The following KIAA1143 variants were observed in gnomAD, a reference collection of about 807,000 sequenced individuals.
The protein encoded by KIAA1143 is KIAA1143.
KIAA1143 carries 8 observed loss-of-function variants against 17.0 expected under a neutral mutation model. The observed-to-expected ratio is 0.47, with a 90% CI of 0.28 to 0.85. The LOEUF is 0.85. Ranked by LOEUF, KIAA1143 falls within the 40% of genes least tolerant of loss-of-function variation. The probability of loss-of-function intolerance (pLI) is 0.12; values close to 1 mark genes in which losing one functional copy is unlikely to be tolerated. For synonymous variants in KIAA1143, 64 were observed against 67.8 expected, an observed-to-expected ratio of 0.94 and a Z score of 0.27; for missense variants, 162 against 183.3, an observed-to-expected ratio of 0.88 and a Z score of 0.67.
intron 1 of KIAA1143, among the ~76,000 whole-genome samples, chr3:44,759,894 C>CAAAAAGAAAAAAA (rs1705039825): frequency 2.0e-5 from 1 of 51,110 alleles, no homozygotes; most frequent in South Asian, 1.2e-3. Flanking sequence ...GACCCTATCT[C>CAAAAAGAAAAAAA]AAAAAAAAAA....
At chr3:44,756,456 G>C (rs1465734438) in intron 1 of KIAA1143, among the ~76,000 whole-genome samples, 4 of 152,170 alleles carry the variant, frequency 2.6e-5, no homozygotes, top group Non-Finnish European at 4.4e-5. Context: ...CCACCTACTT[G>C]GGTGGCTGAG....
chr3:44,760,424 C>G (rs544055549), intron 1 of KIAA1143, among the ~76,000 whole-genome samples: 1 of 152,296 alleles, frequency 6.6e-6, no homozygotes, highest in African/African-American at 2.4e-5. Context: ...GAGTCTCGCT[C>G]TGTCGCCCAG....
intron 1 of KIAA1143, 96 bp from the exon 2 acceptor site, chr3:44,754,464 T>A (rs749640601): frequency 8.6e-7 from 1 of 1,165,820 alleles, no homozygotes; most frequent in Non-Finnish European, 1.2e-6. Context: ...ATGAGAAGGG[T>A]ATCTTTATTG....
chr3:44,755,850 G>C (rs2125880024), intron 1 of KIAA1143, among the ~76,000 whole-genome samples: 1 of 152,328 alleles, frequency 6.6e-6, no homozygotes, highest in East Asian at 1.9e-4. Flanking sequence ...AATATTTGTT[G>C]ATCTACTCAT....
In KIAA1143 at chr3:44,751,013, T is replaced by C. The variant is rs905531912; in HGVS notation, c.*2328A>G. The C allele has an allele frequency of 2.8e-5, 4 of 144,384 alleles. No homozygotes were observed. The highest frequency in any genetic ancestry group is 2.1e-4 in the Admixed American group (3 of 14,018). 8.9% of individuals were successfully genotyped at this position (144,384 alleles called of 1,614,324 possible). Reference sequence around the variant, plus strand: ...CGTTTTCTTTTGTAATAGGGCACAATTGAAACCGGTTACTTTCTCAGGACT... The same window carrying C: ...CGTTTTCTTTTGTAATAGGGCACAACTGAAACCGGTTACTTTCTCAGGACT... On this transcript the variant is annotated 3_prime_UTR_variant, in exon 3 of 3. Transcript: ENST00000296121.
At chr3:44,758,911 C>T (rs905554167) in intron 1 of KIAA1143, among the ~76,000 whole-genome samples, 1 of 150,656 alleles carries the variant, frequency 6.6e-6, no homozygotes, top group Non-Finnish European at 1.5e-5. Context: ...TACCCAGGCT[C>T]GAGTGCAGTG....
chr3:44,754,125 C>T, intron 2 of KIAA1143, 99 bp downstream of exon 2: 2 of 1,253,936 alleles, frequency 1.6e-6, no homozygotes, highest in Non-Finnish European at 2.2e-6. Context: ...GAACCCGGAA[C>T]TGCCACCTTG....
intron 1 of KIAA1143, among the ~76,000 whole-genome samples, chr3:44,759,027 C>G: frequency 6.6e-6 from 1 of 151,996 alleles, no homozygotes; most frequent in Non-Finnish European, 1.5e-5. Flanking sequence ...CCACACTGGG[C>G]TAAATTTTGT....
rs1704879179 is a variant in KIAA1143 at position 44,750,425 on chromosome 3, A to T, written c.*2916T>A. On this transcript the variant is annotated 3_prime_UTR_variant, in exon 3 of 3. Transcript: ENST00000296121. ...TGTATGAGAGTTCTAAAATTCTGAT[A>T]TGTCTTAATATATGTTGTAATGATT... 2 of 150,792 alleles carry T rather than the reference A, an allele frequency of 1.3e-5. No homozygotes were observed. The highest frequency in any genetic ancestry group is 4.9e-5 in the African/African-American group (2 of 40,940). 9.3% of individuals were successfully genotyped at this position (150,792 alleles called of 1,614,324 possible).
chr3:44,754,330 G>A lies in KIAA1143; in HGVS notation c.147C>T (p.His49=). The A allele has an allele frequency of 6.2e-7, 1 of 1,613,882 alleles. No homozygotes were observed. The highest frequency in any genetic ancestry group is 8.5e-7 in the Non-Finnish European group (1 of 1,179,830). The change falls in exon 2 of 3, where the codon CAC becomes CAT. Residue 49 remains histidine (H), a synonymous_variant. Coordinates refer to ENST00000296121, the MANE Select transcript of KIAA1143 (RefSeq NM_020696.4). ...GAGGCTGTTCATCTTCTTTGTCACT[G>A]TGATCCCCATCTTCATCTGGGGGCT... ...QPQPPDEDGD[H]SDKEDEQPQV... is the part of the protein sequence containing the mutation.
chr3:44,759,841 G>A (rs1019124208), intron 1 of KIAA1143, among the ~76,000 whole-genome samples: 7 of 136,958 alleles, frequency 5.1e-5, no homozygotes, highest in Non-Finnish European at 1.1e-4. Flanking sequence ...GCTGCAGTGA[G>A]CTGTGATTGC....
rs1704872014 is a variant in KIAA1143, at chr3:44,749,931, AGG to A, written c.*3408_*3409del. 1 of 152,186 alleles carries A rather than the reference AGG, an allele frequency of 6.6e-6. No individual in the cohort carries two copies. The allele number at this position is 152,186 out of a possible 1,614,324, so 9.4% of individuals were successfully genotyped here. The stretch of plus-strand genomic sequence containing the variant: ...TAGCCTCCTGAGCAGCTGGGACTAC[AGG>A]TGTGTGTCGCTACACCTGGCTATTT... On this transcript the variant is annotated 3_prime_UTR_variant, in exon 3 of 3. Transcript: ENST00000296121.
At chr3:44,755,071 C>T (rs185917275) in intron 1 of KIAA1143, among the ~76,000 whole-genome samples, 3 of 152,122 alleles carry the variant, frequency 2.0e-5, no homozygotes, top group Non-Finnish European at 2.9e-5. Flanking sequence ...TGTGAGACAC[C>T]GTAAGAGCCC....
At chr3:44,755,223 C>A (rs901452872) in intron 1 of KIAA1143, among the ~76,000 whole-genome samples, 1 of 152,146 alleles carries the variant, frequency 6.6e-6, no homozygotes, top group South Asian at 2.1e-4. Flanking sequence ...CTTGTAAATA[C>A]AAATTTTGCT....
intron 1 of KIAA1143, among the ~76,000 whole-genome samples, chr3:44,760,471 G>A (rs1442819072): frequency 6.6e-6 from 1 of 150,870 alleles, no homozygotes; most frequent in Non-Finnish European, 1.5e-5. Flanking sequence ...CTCACTGCAA[G>A]CTCCTCCTCC....
chr3:44,761,536 C>T lies in KIAA1143; in HGVS notation c.67G>A (p.Glu23Lys), dbSNP rs1471636540. 6.2e-7 allele frequency: 1 copy of T among 1,614,152 alleles called. No individual in the cohort carries two copies. The highest frequency in any genetic ancestry group is 8.5e-7 in the Non-Finnish European group (1 of 1,180,034). The change falls in exon 1 of 3, where the codon GAA becomes AAA. Residue 23 changes from glutamate (E) to lysine (K), a missense_variant. By Grantham distance (56) the Glu-to-Lys change is moderately conservative. Coordinates refer to ENST00000296121, the MANE Select transcript of KIAA1143 (RefSeq NM_020696.4). Reference sequence around the variant, plus strand: ...GGTCCCTCCCTGTAGCCGACCCGTTCCTTGAAGCGGGCCAGAAACGCCGGC... The same window carrying T: ...GGTCCCTCCCTGTAGCCGACCCGTTTCTTGAAGCGGGCCAGAAACGCCGGC... ...AEPAFLARFK[E>K]RVGYREGPTV...
At chr3:44,758,835 G>A (rs1705013664) in intron 1 of KIAA1143, among the ~76,000 whole-genome samples, 1 of 151,912 alleles carries the variant, frequency 6.6e-6, no homozygotes, top group Non-Finnish European at 1.5e-5. Context: ...CACTATCCAT[G>A]GCAGCTGTAG....
At chr3:44,760,912 G>A (rs1705095662) in intron 1 of KIAA1143, among the ~76,000 whole-genome samples, 1 of 150,942 alleles carries the variant, frequency 6.6e-6, no homozygotes, top group Non-Finnish European at 1.5e-5. Flanking sequence ...TGCTGGTCTC[G>A]AACTCCTGAC....
chr3:44,757,608 C>A (rs1202598773), intron 1 of KIAA1143, among the ~76,000 whole-genome samples: 1 of 152,124 alleles, frequency 6.6e-6, no homozygotes, highest in Non-Finnish European at 1.5e-5. Flanking sequence ...TTAAAGAGTT[C>A]AATCTAGTGG....
Sources: gnomAD v4.1 joint callset for allele counts (sites outside exome capture counted in the v4.1 genomes callset) on GRCh38, gnomAD v4.1.1 for gene constraint, MANE v1.5 for transcripts, NCBI Gene and HGNC (gene_info 2026-07-23, HGNC 2026-07-21) for gene names.